The following HNRNPC variants were observed in gnomAD, a reference collection of about 807,000 sequenced individuals.
HNRNPC encodes heterogeneous nuclear ribonucleoproteins C1/C2.
In HNRNPC, 3 loss-of-function variants were observed where a neutral mutation model predicts 33.2. That is an observed-to-expected ratio of 0.09 (90% CI 0.04 to 0.23). HNRNPC has a LOEUF of 0.23. Ranked by LOEUF, HNRNPC falls within the 10% of genes least tolerant of loss-of-function variation. The pLI, the probability that HNRNPC is intolerant of heterozygous loss-of-function variation, is 1.00. For missense variants in HNRNPC, 143 were observed against 366.7 expected, an observed-to-expected ratio of 0.39 and a Z score of 4.98; for synonymous variants, 121 against 126.7, an observed-to-expected ratio of 0.96 and a Z score of 0.30.
intron 2 of HNRNPC, among the ~76,000 whole-genome samples, chr14:21,235,030 A>G (rs921637410): frequency 6.6e-6 from 1 of 152,188 alleles, no homozygotes; most frequent in Admixed American, 6.5e-5. Flanking sequence ...TTGGGGAATT[A>G]AAGAAAAATA....
intron 1 of HNRNPC, among the ~76,000 whole-genome samples, chr14:21,266,131 G>A (rs1878936997): frequency 6.6e-6 from 1 of 151,962 alleles, no homozygotes; most frequent in African/African-American, 2.4e-5. Flanking sequence ...TTTGAGATGG[G>A]GTCTCACTCT....
intron 2 of HNRNPC, among the ~76,000 whole-genome samples, chr14:21,258,532 T>C (rs983091535): frequency 6.6e-6 from 1 of 152,220 alleles, no homozygotes; most frequent in Non-Finnish European, 1.5e-5. Flanking sequence ...ATTTAAATTC[T>C]GTACTCCAAT....
intron 5 of HNRNPC, among the ~76,000 whole-genome samples, chr14:21,227,642 A>C (rs1373688689): frequency 6.6e-6 from 1 of 152,232 alleles, no homozygotes; most frequent in Non-Finnish European, 1.5e-5. Context: ...ATATTTCTGC[A>C]AACGTGATTT....
At chr14:21,245,120 C>G (rs940086717) in intron 2 of HNRNPC, among the ~76,000 whole-genome samples, 3 of 129,664 alleles carry the variant, frequency 2.3e-5, no homozygotes, top group Non-Finnish European at 3.3e-5. Context: ...AAAGAGAAAA[C>G]AAGGGCTGAG....
chr14:21,222,399 A>G (rs1368654455), intron 5 of HNRNPC, among the ~76,000 whole-genome samples: 1 of 151,538 alleles, frequency 6.6e-6, no homozygotes, highest in East Asian at 1.9e-4. Context: ...TTTTTCCTGT[A>G]CGGATTTGCC....
intron 6 of HNRNPC, 177 bp from the exon 7 acceptor site, chr14:21,212,100 T>C: frequency 1.7e-6 from 1 of 575,950 alleles, no homozygotes; most frequent in Non-Finnish European, 3.1e-6. Context: ...CGTTCTGTAA[T>C]GGTTTTTATT....
At chr14:21,230,061 CCA>C (rs1893941175) in intron 5 of HNRNPC, among the ~76,000 whole-genome samples, 1 of 152,112 alleles carries the variant, frequency 6.6e-6, no homozygotes, top group Admixed American at 6.6e-5. Context: ...TCCCTAGTCA[CCA>C]CACTCAGCGA....
chr14:21,261,119 T>A (rs932889602), intron 2 of HNRNPC, among the ~76,000 whole-genome samples: 4 of 152,096 alleles, frequency 2.6e-5, no homozygotes, highest in African/African-American at 4.8e-5. Context: ...TACAGGCAGG[T>A]ACCAACGCCC....
intron 2 of HNRNPC, among the ~76,000 whole-genome samples, chr14:21,245,368 T>C (rs980286348): frequency 6.6e-6 from 1 of 151,836 alleles, no homozygotes; most frequent in Admixed American, 6.6e-5. Flanking sequence ...TGGTGGTGCA[T>C]GCCTGTAATC....
At chr14:21,254,171 T>C (rs944244858) in intron 2 of HNRNPC, among the ~76,000 whole-genome samples, 4 of 151,840 alleles carry the variant, frequency 2.6e-5, no homozygotes, top group Non-Finnish European at 4.4e-5. Context: ...AATAAAGATA[T>C]GCACAACTGT....
chr14:21,219,108 CAAA>C (rs555837563), intron 5 of HNRNPC, among the ~76,000 whole-genome samples: 5 of 96,386 alleles, frequency 5.2e-5, no homozygotes, highest in Non-Finnish European at 4.2e-5. Context: ...GACTCTTTCT[CAAA>C]AAAAAAAAAA....
intron 2 of HNRNPC, among the ~76,000 whole-genome samples, chr14:21,260,579 G>GA (rs1566647214): frequency 1.3e-5 from 2 of 151,738 alleles, no homozygotes; most frequent in African/African-American, 4.8e-5. Context: ...AAAACTTCAG[G>GA]AGGCTGAGGC....
At chr14:21,262,512 T>C (rs1028044080) in intron 2 of HNRNPC, 2 of 152,266 alleles carry the variant, frequency 1.3e-5, no homozygotes, top group Non-Finnish European at 2.9e-5. Context: ...CACTTCCAGA[T>C]GCTATGACCT....
At chr14:21,268,183 A>T (rs1480258401) in intron 1 of HNRNPC, among the ~76,000 whole-genome samples, 2 of 152,218 alleles carry the variant, frequency 1.3e-5, no homozygotes, top group East Asian at 1.9e-4. Flanking sequence ...ATTTTTTTTA[A>T]CTTTTAAGTT....
rs747732364 is a variant in HNRNPC at position 21,211,393 on chromosome 14, C to G, written c.798+13G>C. On this transcript the variant is annotated intron_variant, in intron 8 of 8. Transcript: ENST00000553300. ...CTCCACCACCTTTTTCTTTCCTTTC[C>G]CGTGGTTTTCACCTGGTCATCCCCC... 1 of 1,552,902 alleles carries G rather than the reference C, an allele frequency of 6.4e-7. No individual in the cohort carries two copies. The highest frequency in any genetic ancestry group is 1.1e-5 in the South Asian group (1 of 90,002).
chr14:21,230,600 C>T (rs189825034), intron 4 of HNRNPC: 102 of 536,364 alleles, frequency 1.9e-4, no homozygotes, highest in Admixed American at 6.6e-4. Flanking sequence ...TTTCCACATA[C>T]GACATAGCTA....
chr14:21,256,069 C>T (rs771833552), intron 2 of HNRNPC, among the ~76,000 whole-genome samples: 13 of 152,024 alleles, frequency 8.6e-5, no homozygotes, highest in Non-Finnish European at 1.6e-4. Context: ...CAACAAATCA[C>T]GTGGGATGCC....
intron 5 of HNRNPC, among the ~76,000 whole-genome samples, chr14:21,227,858 C>A (rs1893655175): frequency 1.3e-5 from 2 of 152,146 alleles, no homozygotes; most frequent in African/African-American, 4.8e-5. Context: ...CATGACATCC[C>A]TGAAATTATA....
At chr14:21,227,244 T>G (rs924507598) in intron 5 of HNRNPC, among the ~76,000 whole-genome samples, 1 of 151,750 alleles carries the variant, frequency 6.6e-6, no homozygotes, top group African/African-American at 2.4e-5. Flanking sequence ...TTAACATCTA[T>G]CATGTAAGAC....
Sources: allele counts gnomAD v4.1 joint callset (sites outside exome capture counted in the v4.1 genomes callset), GRCh38; gene constraint gnomAD v4.1.1; transcripts MANE v1.5; gene names NCBI Gene and HGNC (gene_info 2026-07-23, HGNC 2026-07-21).